The following AAK1 variants were observed in gnomAD, a reference collection of about 807,000 sequenced individuals.
AAK1 encodes AP2 associated kinase 1, also known as AP2-associated protein kinase 1.
In AAK1, 37 loss-of-function variants were observed where a neutral mutation model predicts 116.0. The ratio of observed to expected loss-of-function variants is 0.32; its 90% CI spans 0.25 to 0.42. The LOEUF (loss-of-function observed/expected upper bound fraction) is 0.42. AAK1 is among the 10% of genes least tolerant of loss of function. AAK1 has a pLI of 1.00. For synonymous variants in AAK1, 458 were observed against 439.9 expected (o/e 1.04, Z -0.51); for missense variants, 919 against 1,170.6 (o/e 0.79, Z 3.14).
chr2:69,470,699 T>C lies in AAK1; in HGVS notation c.*5170A>G, dbSNP rs1674646413. The C allele has an allele frequency of 1.0e-6, 1 of 985,496 alleles. No individual in the cohort carries two copies. Among genetic ancestry groups the C allele is most frequent in the Non-Finnish European group, 1.2e-6 (1 of 829,942 alleles). 61.0% of individuals were successfully genotyped at this position (985,496 alleles called of 1,614,324 possible). ...GAGTCTGGTCATATCCAGTGTAGGC[T>C]GGCAGGCGTCTTATTCTCCTTGAGA... On this transcript the variant is annotated 3_prime_UTR_variant, in exon 22 of 22. Transcript: ENST00000409085.
intron 17 of AAK1, among the ~76,000 whole-genome samples, chr2:69,485,578 T>A (rs954516941): frequency 1.3e-5 from 2 of 152,136 alleles, no homozygotes; most frequent in Non-Finnish European, 2.9e-5. Flanking sequence ...AGTTCTTGGT[T>A]TCCCCTCAGA....
chr2:69,566,846 C>T (rs959566043), intron 2 of AAK1, among the ~76,000 whole-genome samples: 1 of 152,216 alleles, frequency 6.6e-6, no homozygotes, highest in African/African-American at 2.4e-5. Flanking sequence ...GGGCTATCAG[C>T]TAAGGCTAAC....
In AAK1 at chr2:69,505,390, C is replaced by G. The variant is rs540583921; in HGVS notation, c.2269+179G>C. 2.6e-5 allele frequency among the ~76,000 whole-genome samples: 4 copies of G among 151,858 alleles called. No homozygotes were observed. In the South Asian group the frequency reaches 8.3e-4, roughly 32 times the overall value. On this transcript the variant is annotated intron_variant, in intron 16 of 21. Transcript: ENST00000409085. Reference sequence around the variant, plus strand: ...TCTTTATCCCTTTTTGATCAGAAAGCTTTTGAATTAAAAAAAAGTAAATTT... The same window carrying G: ...TCTTTATCCCTTTTTGATCAGAAAGGTTTTGAATTAAAAAAAAGTAAATTT...
At chr2:69,584,125 C>T (rs1477700388) in intron 2 of AAK1, among the ~76,000 whole-genome samples, 1 of 152,198 alleles carries the variant, frequency 6.6e-6, no homozygotes, top group African/African-American at 2.4e-5. Flanking sequence ...GCAAAACCCA[C>T]CCGCCTCCTT....
In AAK1 at chr2:69,488,070, G is replaced by A. The variant is rs561025360; in HGVS notation, c.2366-5258C>T. On this transcript the variant is annotated intron_variant, in intron 17 of 21. Coordinates refer to ENST00000409085, the MANE Select transcript of AAK1 (RefSeq NM_014911.5). ...ATTACAGGTGTGAGCCACTGTGCTC[G>A]GCCAAGTTTTGCATTAGTTTTTAGG... 1.5e-4 allele frequency among the ~76,000 whole-genome samples: 23 copies of A among 151,886 alleles called. No homozygotes were observed. The South Asian group carries it at 2.7e-3, about 18-fold the overall frequency.
intron 12 of AAK1, among the ~76,000 whole-genome samples, chr2:69,516,206 G>A (rs1337488049): frequency 6.6e-6 from 1 of 151,902 alleles, no homozygotes; most frequent in Non-Finnish European, 1.5e-5. Context: ...AGGGTAAAAT[G>A]GGCAAGGAAA....
Position 69,466,767 on chromosome 2 carries a change from A to G in AAK1, c.*9102T>C, listed in dbSNP as rs1674500328. On this transcript the variant is annotated 3_prime_UTR_variant, in exon 22 of 22. Coordinates refer to ENST00000409085, the MANE Select transcript of AAK1 (RefSeq NM_014911.5). ...CACGTTTTGGAACATGATAGGCACG[A>G]CGTACAGGAAAGGAGATGAAGATGT... The G allele has an allele frequency of 1.0e-6, 1 of 985,332 alleles. No individual in the cohort carries two copies. Among genetic ancestry groups the G allele is most frequent in the African/African-American group, 1.7e-5 (1 of 57,228 alleles). 61.0% of individuals were successfully genotyped at this position (985,332 alleles called of 1,614,324 possible). A position where few individuals can be genotyped will look rare whatever the true frequency, so the allele number is the denominator to read the frequency against.
chr2:69,522,398 C>T (rs1415323205), intron 10 of AAK1, among the ~76,000 whole-genome samples: 1 of 152,052 alleles, frequency 6.6e-6, no homozygotes. Flanking sequence ...GCTCTTGTGC[C>T]GGTTGGGGAA....
At chr2:69,550,896 G>A (rs948134393) in intron 3 of AAK1, among the ~76,000 whole-genome samples, 7 of 152,232 alleles carry the variant, frequency 4.6e-5, no homozygotes, top group South Asian at 2.1e-4. Context: ...GATTATAGGC[G>A]TGAGCCACAG....
intron 5 of AAK1, among the ~76,000 whole-genome samples, chr2:69,532,634 TCCC>T (rs1670303897): frequency 6.6e-6 from 1 of 152,208 alleles, no homozygotes; most frequent in Admixed American, 6.5e-5. Context: ...TGTCACTCTT[TCCC>T]TATTGTCCTT....
rs1674461510 is a variant in AAK1 at position 69,465,637 on chromosome 2, A to G, written c.*10232T>C. The G allele has an allele frequency of 7.7e-7, 1 of 1,290,918 alleles. No individual in the cohort carries two copies. 80.0% of individuals were successfully genotyped at this position (1,290,918 alleles called of 1,614,324 possible). On this transcript the variant is annotated 3_prime_UTR_variant, in exon 22 of 22. Coordinates refer to ENST00000409085, the MANE Select transcript of AAK1 (RefSeq NM_014911.5). ...CTATAGTGACGGGAATACTTGGATA[A>G]GGACTGGGGGCGGAATGGTTTGCCA...
rs370125608 is a variant in AAK1, at chr2:69,479,059, A to G, written c.2572T>C (p.Ser858Pro). ...TESVTSNRTD[S>P]LTGEDSLLDC... ...AGCAGGGAATCTTCCCCGGTGAGAG[A>G]ATCTGAGTCCAGATTAACAGCATCC... is the stretch of plus-strand genomic sequence containing the variant. Residue 858 changes from serine to proline, a missense_variant and splice_region_variant, in exon 20 of 22, where the codon TCT (serine) becomes CCT (proline). Transcript: ENST00000409085. 26 of 1,606,494 alleles carry G rather than the reference A, an allele frequency of 1.6e-5. No individual in the cohort carries two copies. In the African/African-American group the frequency reaches 3.5e-4, roughly 21 times the overall value.
intron 3 of AAK1, among the ~76,000 whole-genome samples, chr2:69,552,056 T>C (rs1056413394): frequency 6.6e-6 from 1 of 152,028 alleles, no homozygotes; most frequent in Non-Finnish European, 1.5e-5. Context: ...CTGAGAGAGG[T>C]AGGGCTGGGG....
At chr2:69,498,895 C>A (rs902218925) in intron 16 of AAK1, among the ~76,000 whole-genome samples, 12 of 152,324 alleles carry the variant, frequency 7.9e-5, no homozygotes, top group African/African-American at 2.4e-4. Flanking sequence ...TTCCCAGCCC[C>A]AGCTCAACTA....
chr2:69,541,261 C>T (rs547533549), intron 5 of AAK1, among the ~76,000 whole-genome samples: 24 of 140,220 alleles, frequency 1.7e-4, no homozygotes, highest in African/African-American at 5.6e-4. Flanking sequence ...GGCAGAGTCT[C>T]GCTCTGTTGC....
Position 69,468,978 on chromosome 2 carries a change from A to G in AAK1, c.*6891T>C. ...CAACAACTTTGAATAATTTACAAAAACAGTCACAAAAACACCAGAATATCA... is the reference window on the plus strand; with the variant it reads ...CAACAACTTTGAATAATTTACAAAAGCAGTCACAAAAACACCAGAATATCA... On this transcript the variant is annotated 3_prime_UTR_variant, in exon 22 of 22. Transcript: ENST00000409085. The G allele has an allele frequency of 1.0e-6, 1 of 985,366 alleles. No individual in the cohort carries two copies. The highest frequency in any genetic ancestry group is 4.7e-5 in the South Asian group (1 of 21,284). The allele number at this position is 985,366 out of a possible 1,614,324, so 61.0% of individuals were successfully genotyped here.
chr2:69,529,697 G>A (rs1670172055), intron 8 of AAK1, among the ~76,000 whole-genome samples: 1 of 152,166 alleles, frequency 6.6e-6, no homozygotes, highest in Non-Finnish European at 1.5e-5. Context: ...ATATGAGTCA[G>A]CTGGACTCCT....
Position 69,468,824 on chromosome 2 carries a change from T to C in AAK1, c.*7045A>G, listed in dbSNP as rs1232406736. ...CAGGGTTGGAGAGGATGGAAGAACA[T>C]GTCTAACCCATCAAAATTATTTGTT... On this transcript the variant is annotated 3_prime_UTR_variant, in exon 22 of 22. Coordinates refer to ENST00000409085, the MANE Select transcript of AAK1 (RefSeq NM_014911.5). 2.0e-6 allele frequency: 2 copies of C among 985,270 alleles called. No individual in the cohort carries two copies. Among genetic ancestry groups the C allele is most frequent in the Middle Eastern group, 5.2e-4 (1 of 1,936 alleles). The allele number at this position is 985,270 out of a possible 1,614,324, so 61.0% of individuals were successfully genotyped here.
intron 2 of AAK1, among the ~76,000 whole-genome samples, chr2:69,594,458 A>G (rs1572989581): frequency 6.6e-6 from 1 of 152,230 alleles, no homozygotes; most frequent in Non-Finnish European, 1.5e-5. Context: ...GAATTTCAAA[A>G]TAAATGATTT....
Sources: gnomAD v4.1 joint callset for allele counts (sites outside exome capture counted in the v4.1 genomes callset) on GRCh38, gnomAD v4.1.1 for gene constraint, MANE v1.5 for transcripts, NCBI Gene and HGNC (gene_info 2026-07-23, HGNC 2026-07-21) for gene names.